Variants in MYH7 observed in about 807,000 individuals in gnomAD.
MYH7 encodes myosin heavy chain 7.
A neutral mutation model predicts 225.4 loss-of-function variants in MYH7; 129 were observed. The ratio of observed to expected loss-of-function variants is 0.57; its 90% CI spans 0.50 to 0.66. The LOEUF is 0.66. Ranked by LOEUF, MYH7 falls within the 30% of genes least tolerant of loss-of-function variation. The pLI, the probability that MYH7 is intolerant of heterozygous loss-of-function variation, is 0.00. For synonymous variants in MYH7, 971 were observed against 1,007.6 expected, an observed-to-expected ratio of 0.96 and a Z score of 0.69; for missense variants, 1,649 against 2,517.0, an observed-to-expected ratio of 0.66 and a Z score of 7.38.
At position 23,414,025 on chromosome 14, in the gene MYH7, C is replaced by T. The variant is rs367580423; in HGVS notation, c.5637G>A (p.Lys1879=). ...DKLQLKVKAY[K]RQAEEAEEQA... ...CACTCACCGCCTCCTCGGCCTGGCG[C>T]TTGTAGGCCTTGACCTTTAGCTGCA... Residue 1879 remains lysine, a synonymous_variant, in exon 38 of 40, where the codon AAG becomes AAA. Transcript: ENST00000355349. The T allele has an allele frequency of 4.3e-6, 7 of 1,614,036 alleles. No homozygotes were observed. The African/African-American group carries it at 9.3e-5, about 22-fold the overall frequency.
At chr14:23,429,515 A>C (rs1157108675) in intron 12 of MYH7, among the ~76,000 whole-genome samples, 168 bp from the exon 13 acceptor site, 2 of 152,024 alleles carry the variant, frequency 1.3e-5, no homozygotes, top group Non-Finnish European at 2.9e-5. Context: ...ATCTCTACTA[A>C]AAATACAAAA....
intron 17 of MYH7, 102 bp from the exon 18 acceptor site, chr14:23,426,966 C>T (rs1015942959): frequency 2.7e-5 from 30 of 1,112,354 alleles, no homozygotes; most frequent in East Asian, 1.0e-4. Context: ...GGAGAGAATT[C>T]GAGAAGTCAC....
chr14:23,417,830 A>T, intron 30 of MYH7, 144 bp from the exon 31 acceptor site: 1 of 1,185,352 alleles, frequency 8.4e-7, no homozygotes, highest in Non-Finnish European at 1.2e-6. Context: ...CCAGGGGCCG[A>T]GAACATCAGG....
At position 23,425,576 on chromosome 14, in the gene MYH7, A is replaced by C; in HGVS notation, c.2286+119T>G. On this transcript the variant is annotated intron_variant, in intron 20 of 39. Coordinates refer to ENST00000355349, the MANE Select transcript of MYH7 (RefSeq NM_000257.4). The surrounding 1 kb of genome is among the most constrained non-coding windows in gnomAD (Gnocchi z 4.6). ...TGAGGGGAGTGGTGCTAGATGTTCC[A>C]CTGGGAGGGGTAGCATACAGGTAAG... 6.3e-7 allele frequency: 1 copy of C among 1,586,248 alleles called. No individual in the cohort carries two copies. Among genetic ancestry groups the C allele is most frequent in the Non-Finnish European group, 8.6e-7 (1 of 1,162,032 alleles).
At chr14:23,431,720 C>T in intron 7 of MYH7, 41 bp downstream of exon 7, 1 of 1,614,188 alleles carries the variant, frequency 6.2e-7, no homozygotes, top group Admixed American at 1.7e-5. Context: ...TCTTCTCCCT[C>T]CCTTTCTGCG....
intron 5 of MYH7, 65 bp from the exon 6 acceptor site, chr14:23,432,571 C>G: frequency 6.2e-7 from 1 of 1,614,164 alleles, no homozygotes; most frequent in Non-Finnish European, 8.5e-7. Context: ...GGGCTTCTCC[C>G]TTCCTTCTCC....
chr14:23,425,593 A>G lies in MYH7; in HGVS notation c.2286+102T>C. The G allele has an allele frequency of 6.3e-7, 1 of 1,599,538 alleles. No individual in the cohort carries two copies. The highest frequency in any genetic ancestry group is 8.5e-7 in the Non-Finnish European group (1 of 1,171,140). On this transcript the variant is annotated intron_variant, in intron 20 of 39. Coordinates refer to ENST00000355349, the MANE Select transcript of MYH7 (RefSeq NM_000257.4). The surrounding 1 kb of genome is among the most constrained non-coding windows in gnomAD (Gnocchi z 4.6). ...GATGTTCCACTGGGAGGGGTAGCAT[A>G]CAGGTAAGAGATTTTGCTAAGATGA...
rs397516224 is a variant in MYH7 at position 23,432,683 on chromosome 14, TG to T, written c.457del (p.His153ThrfsTer14). 1.2e-6 allele frequency: 2 copies of T among 1,614,018 alleles called. No individual in the cohort carries two copies. Among genetic ancestry groups the T allele is most frequent in the Non-Finnish European group, 8.5e-7 (1 of 1,180,018 alleles). On this transcript the variant is annotated frameshift_variant, in exon 5 of 40. Transcript: ENST00000355349. LOFTEE classifies it high-confidence loss of function. ...GGCGTTGTCGGAGATGGAGAAGATG[TG>T]GGGCGGGGCCTCGCTCCTCTTCTTG... ...RGKKRSEAPP[H>X]IFSISDNAYQ...
Position 23,425,061 on chromosome 14 carries a change from G to T in MYH7, c.2424-37C>A. The T allele has an allele frequency of 6.2e-7, 1 of 1,613,902 alleles. No homozygotes were observed. The highest frequency in any genetic ancestry group is 1.1e-5 in the South Asian group (1 of 91,068). The stretch of plus-strand genomic sequence containing the variant: ...CATTGAAAGGAGTGCTGAGCCTCCT[G>T]CCTCCTTCCTACCTGAGGTCCTGAA... On this transcript the variant is annotated intron_variant, in intron 21 of 39. Transcript: ENST00000355349. The surrounding 1 kb of genome is among the most constrained non-coding windows in gnomAD (Gnocchi z 4.6).
In MYH7 at chr14:23,424,711, T is replaced by C. The variant is rs567924096; in HGVS notation, c.2679+58A>G. 448 of 1,610,110 alleles carry C rather than the reference T, an allele frequency of 2.8e-4. 9 individuals are homozygous for C. In the South Asian group the frequency reaches 4.6e-3, roughly 16 times the overall value. On this transcript the variant is annotated intron_variant, in intron 22 of 39. Transcript: ENST00000355349. The stretch of plus-strand genomic sequence containing the variant: ...AGCCCCTGTGCAGGGAGGTGCAGGG[T>C]TGTGGGAAGTGAAGGCAGAGCAGGG...
In MYH7 at chr14:23,412,934, A is replaced by C. The variant is rs544713550; in HGVS notation, c.5791-63T>G. The C allele has an allele frequency of 1.1e-4, 165 of 1,565,872 alleles. No homozygotes were observed. The African/African-American group carries it at 2.1e-3, about 20-fold the overall frequency. ...AGATGGTATTGGGCAGGGACAGGGC[A>C]TGGGAACAAAGGTGAGAGGGGTCTG... On this transcript the variant is annotated intron_variant, in intron 39 of 39. Coordinates refer to ENST00000355349, the MANE Select transcript of MYH7 (RefSeq NM_000257.4).
At chr14:23,414,966 G>A (rs200979515) in intron 37 of MYH7, 29 bp downstream of exon 37, 6 of 1,602,798 alleles carry the variant, frequency 3.7e-6, no homozygotes, top group Non-Finnish European at 5.1e-6. Context: ...TGGTGCCAGG[G>A]CTCTGCCTGG....
At position 23,415,323 on chromosome 14, in the gene MYH7, C is replaced by T. The variant is rs1375827686; in HGVS notation, c.5284-53G>A. 1.9e-6 allele frequency: 3 copies of T among 1,614,250 alleles called. No individual in the cohort carries two copies. The highest frequency in any genetic ancestry group is 3.3e-4 in the Middle Eastern group (2 of 6,062). ...GTCTGGTCAAGTCCTCACACACTTG[C>T]TGCCCAGCCCACGGAGAGACACTGG... On this transcript the variant is annotated intron_variant, in intron 36 of 39. Transcript: ENST00000355349. This position sits in a 1 kb window ranked among gnomAD's most constrained non-coding sequence, Gnocchi z 6.3.
Position 23,428,736 on chromosome 14 carries a change from C to T in MYH7, c.1408-66G>A, listed in dbSNP as rs368941556. The T allele has an allele frequency of 9.7e-5, 156 of 1,611,186 alleles. 1 individual carries two copies. Among genetic ancestry groups the T allele is most frequent in the East Asian group, 7.6e-4 (34 of 44,788 alleles). On this transcript the variant is annotated intron_variant, in intron 14 of 39. Coordinates refer to ENST00000355349, the MANE Select transcript of MYH7 (RefSeq NM_000257.4). ...TGTGAGTGGCCATTGGGGCTGTGCC[C>T]GTCCACTGTGCCTGAGCCCAGCAGG... is the stretch of plus-strand genomic sequence containing the variant.
intron 30 of MYH7, 155 bp from the exon 31 acceptor site, chr14:23,417,841 C>T (rs1892289907): frequency 2.7e-6 from 3 of 1,099,444 alleles, no homozygotes; most frequent in Non-Finnish European, 4.1e-6. Flanking sequence ...GAACATCAGG[C>T]AGAGGATCCC....
At chr14:23,426,698 G>A in intron 18 of MYH7, 79 bp downstream of exon 18, 1 of 1,310,124 alleles carries the variant, frequency 7.6e-7, no homozygotes, top group Non-Finnish European at 1.1e-6. Context: ...GTGGTGGTAG[G>A]TAGGGAGATG....
chr14:23,423,026 T>C (rs1892542089), intron 24 of MYH7, among the ~76,000 whole-genome samples: 1 of 152,204 alleles, frequency 6.6e-6, no homozygotes, highest in African/African-American at 2.4e-5. Flanking sequence ...TAAGTTCCTA[T>C]CTAAAGGAAG....
chr14:23,429,452 G>A, intron 12 of MYH7, 105 bp from the exon 13 acceptor site: 1 of 1,158,036 alleles, frequency 8.6e-7, no homozygotes, highest in East Asian at 2.4e-5. Context: ...AAGGCAGGCG[G>A]ATCACTTGAG....
rs1414097026 is a variant in MYH7, at chr14:23,424,928, C to T, written c.2520G>A (p.Leu840=). Residue 840 remains leucine (L), a synonymous_variant, in exon 22 of 40, where the codon CTG becomes CTA. Transcript: ENST00000355349. ...TCTCCTTCTCTCTTTCTGCACTCTT[C>T]AGCAGCGGCTTGATCTTGAAGTAGA... ...MKLYFKIKPL[L]KSAEREKEMA... 1 of 1,614,228 alleles carries T rather than the reference C, an allele frequency of 6.2e-7. No individual in the cohort carries two copies. Among genetic ancestry groups the T allele is most frequent in the East Asian group, 2.2e-5 (1 of 44,880 alleles).
Sources: allele counts gnomAD v4.1 joint callset (sites outside exome capture counted in the v4.1 genomes callset), GRCh38; gene constraint gnomAD v4.1.1; non-coding constraint Gnocchi (gnomAD v3.1); transcripts MANE v1.5; gene names NCBI Gene and HGNC (gene_info 2026-07-23, HGNC 2026-07-21).